CCDC73: variants seen among roughly 807,000 people sequenced by gnomAD.
CCDC73 encodes the protein coiled-coil domain containing 73.
In CCDC73, 95 loss-of-function variants were observed where a neutral mutation model predicts 116.5. That is an observed-to-expected ratio of 0.82 (90% CI 0.69 to 0.97). The LOEUF (loss-of-function observed/expected upper bound fraction) is 0.97, where lower values mean the gene tolerates loss of function less well. CCDC73 is among the 50% of genes least tolerant of loss of function. The pLI is 0.00. For synonymous variants in CCDC73, 398 were observed against 401.3 expected (o/e 0.99, Z 0.10); for missense variants, 1,066 against 1,206.8 (o/e 0.88, Z 1.73).
intron 17 of CCDC73, among the ~76,000 whole-genome samples, chr11:32,609,614 G>A (rs1235379201): frequency 2.6e-5 from 4 of 152,012 alleles, no homozygotes; most frequent in South Asian, 2.1e-4. Context: ...CCACATTTTC[G>A]GGTATCTTTT....
chr11:32,675,441 A>AGT, intron 9 of CCDC73, 124 bp downstream of exon 9: 1 of 568,242 alleles, frequency 1.8e-6, no homozygotes, highest in South Asian at 2.3e-5. Context: ...AAATTTATGC[A>AGT]TCTGTATTGA....
At position 32,718,135 on chromosome 11, in the gene CCDC73, G is replaced by C. The variant is rs1462940314; in HGVS notation, c.148C>G (p.His50Asp). The C allele has an allele frequency of 1.9e-6, 3 of 1,601,020 alleles. No individual in the cohort carries two copies. Among genetic ancestry groups the C allele is most frequent in the Admixed American group, 3.4e-5 (2 of 58,440 alleles). Reference protein sequence around the residue: ...ELRMRREAEIHYEEQIGKIIV... With the variant: ...ELRMRREAEIDYEEQIGKIIV... ...ATTTTACCAATCTGCTCTTCATAATGAATTTCTGCTTCCTAAGTCAAAAAG... is the reference window on the plus strand; with the variant it reads ...ATTTTACCAATCTGCTCTTCATAATCAATTTCTGCTTCCTAAGTCAAAAAG... The change falls in exon 3 of 18, where the codon CAT becomes GAT. Residue 50 changes from histidine to aspartate, a missense_variant. By Grantham distance (81) the His-to-Asp change is moderately conservative (BLOSUM62 -1). Coordinates refer to ENST00000335185, the MANE Select transcript of CCDC73 (RefSeq NM_001008391.4).
At chr11:32,650,938 C>T (rs1367221950) in intron 12 of CCDC73, among the ~76,000 whole-genome samples, 1 of 152,098 alleles carries the variant, frequency 6.6e-6, no homozygotes, top group Non-Finnish European at 1.5e-5. Flanking sequence ...TCTTTGCAGA[C>T]CCTCCCTCTC....
intron 2 of CCDC73, among the ~76,000 whole-genome samples, chr11:32,721,227 G>A (rs1380674456): frequency 6.6e-6 from 1 of 152,084 alleles, no homozygotes; most frequent in African/African-American, 2.4e-5. Flanking sequence ...GTTTTACCAT[G>A]TTGGCCAGGC....
chr11:32,719,823 C>T (rs546632425), intron 2 of CCDC73, among the ~76,000 whole-genome samples: 14 of 152,140 alleles, frequency 9.2e-5, no homozygotes, highest in African/African-American at 2.9e-4. Flanking sequence ...GCCAATGTCT[C>T]GAAAGCCACA....
chr11:32,825,295 C>CTTT, the CCDC73 span, among the ~76,000 whole-genome samples: 1 of 64,456 alleles, frequency 1.6e-5, no homozygotes, highest in African/African-American at 6.9e-5. Flanking sequence ...CTGATGCAGA[C>CTTT]TTTTTTTTTT....
intron 1 of CCDC73, among the ~76,000 whole-genome samples, chr11:32,777,019 AT>A (rs1565099383): frequency 4.6e-5 from 6 of 129,920 alleles, no homozygotes; most frequent in African/African-American, 1.5e-4. Context: ...ATATATATAT[AT>A]ATAATTGAAC....
intron 14 of CCDC73, among the ~76,000 whole-genome samples, chr11:32,634,356 T>C (rs1855659670): frequency 6.6e-6 from 1 of 152,084 alleles, no homozygotes; most frequent in Non-Finnish European, 1.5e-5. Context: ...GGTTAACATC[T>C]GGAAGTCAAC....
intron 3 of CCDC73, among the ~76,000 whole-genome samples, chr11:32,705,520 C>T (rs1307354325): frequency 1.1e-4 from 16 of 152,190 alleles, no homozygotes; most frequent in South Asian, 4.1e-4. Context: ...CCGGACCCCA[C>T]GCTCACTCGC....
chr11:32,653,875 A>T, intron 11 of CCDC73, 103 bp downstream of exon 11: 1 of 1,185,482 alleles, frequency 8.4e-7, no homozygotes, highest in Middle Eastern at 2.1e-4. Context: ...AATACACATT[A>T]ACTGAGTGCC....
At chr11:32,786,048 G>A (rs887257025) in intron 1 of CCDC73, among the ~76,000 whole-genome samples, 4 of 152,004 alleles carry the variant, frequency 2.6e-5, no homozygotes, top group Non-Finnish European at 5.9e-5. Flanking sequence ...AAAAAGACAT[G>A]TAATATTTAA....
chr11:32,783,040 C>T (rs1850596848), intron 1 of CCDC73, among the ~76,000 whole-genome samples: 1 of 151,564 alleles, frequency 6.6e-6, no homozygotes, highest in Admixed American at 6.6e-5. Context: ...ATCAATTTTC[C>T]CAGAATTAAA....
rs971116420 is a variant in CCDC73, at chr11:32,663,208, A to G, written c.646-8236T>C. ...TCCATATGAACTTTAGTTTTTTCCA[A>G]TTCTGTGAAGAAAGTCATTGGTAGC... On this transcript the variant is annotated intron_variant, in intron 9 of 17. Transcript: ENST00000335185. Among the ~76,000 whole-genome samples the G allele has an allele frequency of 5.3e-5, 8 of 152,092 alleles. 2 individuals are homozygous for G. Among genetic ancestry groups the G allele is most frequent in the Admixed American group, 4.6e-4 (7 of 15,268 alleles).
At chr11:32,683,172 AC>A (rs1856163670) in intron 7 of CCDC73, 5 of 273,918 alleles carry the variant, frequency 1.8e-5, no homozygotes, top group Non-Finnish European at 3.5e-5. Context: ...TTTGCATTAT[AC>A]CTACGGGTTA....
At chr11:32,629,818 A>T (rs1274596885) in intron 14 of CCDC73, among the ~76,000 whole-genome samples, 3 of 151,764 alleles carry the variant, frequency 2.0e-5, no homozygotes, top group African/African-American at 7.3e-5. Context: ...TGAAAGAAAA[A>T]TTATCTAGAA....
At chr11:32,606,727 T>G (rs1016181502) in intron 17 of CCDC73, among the ~76,000 whole-genome samples, 2 of 152,072 alleles carry the variant, frequency 1.3e-5, no homozygotes, top group African/African-American at 4.8e-5. Context: ...GAAAGTTATT[T>G]CACATTTATG....
intron 12 of CCDC73, among the ~76,000 whole-genome samples, chr11:32,648,409 C>A (rs961198458): frequency 2.0e-5 from 3 of 152,158 alleles, no homozygotes; most frequent in Non-Finnish European, 4.4e-5. Context: ...CAGGCAATAT[C>A]TAAACTTAGA....
chr11:32,792,532 T>A (rs1850685528), intron 1 of CCDC73, among the ~76,000 whole-genome samples: 1 of 152,220 alleles, frequency 6.6e-6, no homozygotes. Flanking sequence ...AACCTTTTTT[T>A]ATTGAAGCAT....
chr11:32,605,425 G>T (rs1220370452), intron 17 of CCDC73: 1 of 152,120 alleles, frequency 6.6e-6, no homozygotes, highest in Non-Finnish European at 1.5e-5. Context: ...CTGGGCTTCA[G>T]TTTACTCATT....
Sources: gnomAD v4.1 joint callset for allele counts (sites outside exome capture counted in the v4.1 genomes callset) on GRCh38, gnomAD v4.1.1 for gene constraint, MANE v1.5 for transcripts, NCBI Gene and HGNC (gene_info 2026-07-23, HGNC 2026-07-21) for gene names.